The following DMXL1 variants were observed in gnomAD, a reference collection of about 807,000 sequenced individuals.
The protein encoded by DMXL1 is Dmx like 1, also known as dmX-like protein 1.
Under a neutral mutation model 319.2 loss-of-function variants are expected in DMXL1, and 99 were observed. That is an observed-to-expected ratio of 0.31 (90% CI 0.26 to 0.37). The LOEUF (loss-of-function observed/expected upper bound fraction) is 0.37. DMXL1 is among the 10% of genes least tolerant of loss of function. The pLI is 1.00. For missense variants in DMXL1, 3,745 were observed against 3,595.6 expected (o/e 1.04, Z -1.06); for synonymous variants, 1,385 against 1,235.2 (o/e 1.12, Z -2.54).
intron 23 of DMXL1, among the ~76,000 whole-genome samples, chr5:119,169,100 C>T (rs1485627876): frequency 1.3e-5 from 2 of 151,964 alleles, no homozygotes; most frequent in Admixed American, 6.5e-5. Flanking sequence ...GATGGGGTTT[C>T]ACCATGTTGC....
At chr5:119,134,421 T>C (rs372880607) in intron 13 of DMXL1, 32 bp downstream of exon 13, 16 of 1,539,588 alleles carry the variant, frequency 1.0e-5, no homozygotes, top group Middle Eastern at 2.0e-4. Flanking sequence ...AGCTTAAGTA[T>C]ATAATATTAT....
At chr5:119,196,533 T>C (rs1779667536) in intron 31 of DMXL1, 77 bp downstream of exon 31, 3 of 1,073,016 alleles carry the variant, frequency 2.8e-6, no homozygotes, top group Non-Finnish European at 4.2e-6. Flanking sequence ...TTTTTTTTTT[T>C]TGGTCTGGAC....
At chr5:119,144,897 G>C (rs1005426843) in intron 15 of DMXL1, among the ~76,000 whole-genome samples, 1 of 151,582 alleles carries the variant, frequency 6.6e-6, no homozygotes, top group African/African-American at 2.4e-5. Context: ...ACATATGAGA[G>C]CTTTTTGCAT....
intron 19 of DMXL1, among the ~76,000 whole-genome samples, chr5:119,161,168 G>T (rs1318636349): frequency 6.6e-6 from 1 of 152,194 alleles, no homozygotes; most frequent in Non-Finnish European, 1.5e-5. Flanking sequence ...AGGGAGGCAG[G>T]GCTTGCAGTT....
chr5:119,227,208 AT>A (rs919779514), intron 38 of DMXL1, among the ~76,000 whole-genome samples: 1 of 151,874 alleles, frequency 6.6e-6, no homozygotes, highest in Non-Finnish European at 1.5e-5. Flanking sequence ...ACACTGGGTC[AT>A]TTTTTTTCCC....
At chr5:119,201,320 A>G (rs1048660016) in intron 32 of DMXL1, among the ~76,000 whole-genome samples, 1 of 152,148 alleles carries the variant, frequency 6.6e-6, no homozygotes, top group South Asian at 2.1e-4. Flanking sequence ...ATCTATTGAT[A>G]TAATTATGTG....
rs1765422734 is a variant in DMXL1 at position 119,133,754 on chromosome 5, G to A, written c.1830G>A (p.Gln610=). ...ISKHADGSLN[Q]WLVSFAEESA... ...AACATGCTGATGGTTCTCTGAATCA[G>A]TGGCTGGTCAGTTTTGCCGAGGAAT... is the stretch of plus-strand genomic sequence containing the variant. The change falls in exon 12 of 44, where the codon CAG becomes CAA. Residue 610 remains glutamine, a synonymous_variant. Coordinates refer to ENST00000539542, the MANE Select transcript of DMXL1 (RefSeq NM_001290321.3). 1.2e-6 allele frequency: 2 copies of A among 1,614,042 alleles called. No homozygotes were observed. The highest frequency in any genetic ancestry group is 1.3e-5 in the African/African-American group (1 of 74,906).
chr5:119,182,081 A>T (rs151042674), intron 28 of DMXL1, among the ~76,000 whole-genome samples: 2 of 152,324 alleles, frequency 1.3e-5, no homozygotes, highest in East Asian at 3.9e-4. Flanking sequence ...TTTAGGTTGT[A>T]GGTAAGCAGT....
At chr5:119,093,033 C>T (rs984194645) in intron 1 of DMXL1, among the ~76,000 whole-genome samples, 6 of 151,608 alleles carry the variant, frequency 4.0e-5, no homozygotes, top group African/African-American at 1.5e-4. Context: ...TTGCTCTTTC[C>T]CTTATTGCAC....
chr5:119,077,838 C>CGT (rs1277830686), intron 1 of DMXL1, among the ~76,000 whole-genome samples: 67 of 108,812 alleles, frequency 6.2e-4, no homozygotes, highest in African/African-American at 2.2e-3. Flanking sequence ...AAAATATATA[C>CGT]GTGTGTGTGT....
At chr5:119,164,367 A>G (rs924375730) in intron 19 of DMXL1, 140 bp from the exon 20 acceptor site, 3 of 754,546 alleles carry the variant, frequency 4.0e-6, no homozygotes, top group African/African-American at 1.8e-5. Flanking sequence ...AAAAACTTAA[A>G]AAAGCCCATA....
At chr5:119,077,189 GTTAT>G (rs1158798568) in intron 1 of DMXL1, among the ~76,000 whole-genome samples, 4,491 of 152,078 alleles carry the variant, frequency 0.03, 206 homozygotes, top group African/African-American at 0.1. Context: ...GCAGGATCTT[GTTAT>G]ATTGCCCAGA....
At chr5:119,118,751 G>T in intron 7 of DMXL1, 64 bp from the exon 8 acceptor site, 2 of 1,256,128 alleles carry the variant, frequency 1.6e-6, no homozygotes, top group Non-Finnish European at 2.2e-6. Flanking sequence ...CAGAAACATC[G>T]TAGAATTTCT....
At chr5:119,095,701 G>C (rs1344881861) in intron 1 of DMXL1, among the ~76,000 whole-genome samples, 2 of 152,120 alleles carry the variant, frequency 1.3e-5, no homozygotes, top group African/African-American at 4.8e-5. Flanking sequence ...ATATCAAGGA[G>C]AAAAATTAGT....
chr5:119,111,104 AT>A (rs1759487941), intron 5 of DMXL1, among the ~76,000 whole-genome samples: 1 of 152,208 alleles, frequency 6.6e-6, no homozygotes, highest in African/African-American at 2.4e-5. Flanking sequence ...ATAGTCTTTT[AT>A]AGCAGGGAAA....
chr5:119,116,139 T>C lies in DMXL1; in HGVS notation c.565-19T>C. 3.2e-6 allele frequency: 5 copies of C among 1,571,170 alleles called. No individual in the cohort carries two copies. Among genetic ancestry groups the C allele is most frequent in the South Asian group, 1.2e-5 (1 of 84,372 alleles). ...ATTCTGATCTCCATGATTTTCTGTT[T>C]TGTTTTTTTTTTCCTTAGGATGACT... On this transcript the variant is annotated intron_variant, in intron 6 of 43. Transcript: ENST00000539542.
At chr5:119,112,773 A>G (rs189309450) in intron 5 of DMXL1, among the ~76,000 whole-genome samples, 1 of 152,298 alleles carries the variant, frequency 6.6e-6, no homozygotes, top group Non-Finnish European at 1.5e-5. Context: ...CCTGGCCACC[A>G]TGGCGAAACC....
chr5:119,101,914 TTC>T lies in DMXL1; in HGVS notation c.214-19_214-18del, dbSNP rs1389380370. 6 of 1,523,536 alleles carry T rather than the reference TTC, an allele frequency of 3.9e-6. No individual in the cohort carries two copies. Among genetic ancestry groups the T allele is most frequent in the Non-Finnish European group, 3.6e-6 (4 of 1,113,820 alleles). The allele number at this position is 1,523,536 out of a possible 1,614,324, so 94.4% of individuals were successfully genotyped here. ...AGTAAGTTAACATATCCCTAATAAATTCTTTTTTTCTTTTTAAAAGATTGCAG... is the reference window on the plus strand; with the variant it reads ...AGTAAGTTAACATATCCCTAATAAATTTTTTTTCTTTTTAAAAGATTGCAG... On this transcript the variant is annotated intron_variant, in intron 2 of 43. Coordinates refer to ENST00000539542, the MANE Select transcript of DMXL1 (RefSeq NM_001290321.3).
intron 7 of DMXL1, 60 bp from the exon 8 acceptor site, chr5:119,118,755 A>G (rs1761395856): frequency 7.7e-7 from 1 of 1,298,948 alleles, no homozygotes; most frequent in Admixed American, 2.3e-5. Context: ...AACATCGTAG[A>G]ATTTCTGTGA....
Sources: gnomAD v4.1 joint callset for allele counts (sites outside exome capture counted in the v4.1 genomes callset) on GRCh38, gnomAD v4.1.1 for gene constraint, MANE v1.5 for transcripts, NCBI Gene and HGNC (gene_info 2026-07-23, HGNC 2026-07-21) for gene names.